The following CBFA2T3 variants were observed in gnomAD, a reference collection of about 807,000 sequenced individuals.
The protein encoded by CBFA2T3 is transcriptional corepressor CBFA2T3.
In CBFA2T3, 31 loss-of-function variants were observed where a neutral mutation model predicts 58.6. That is an observed-to-expected ratio of 0.53 (90% CI 0.40 to 0.71). The LOEUF (loss-of-function observed/expected upper bound fraction) is 0.71, where lower values mean the gene tolerates loss of function less well. Ranked by LOEUF, CBFA2T3 falls within the 30% of genes least tolerant of loss-of-function variation. The pLI is 0.00. For missense variants in CBFA2T3, 1,076 were observed against 963.1 expected, an observed-to-expected ratio of 1.12 and a Z score of -1.55; for synonymous variants, 531 against 421.9, an observed-to-expected ratio of 1.26 and a Z score of -3.17.
chr16:88,940,107 C>A lies in CBFA2T3; in HGVS notation c.151+36550G>T, dbSNP rs1031022537. 1.9e-5 allele frequency: 3 copies of A among 153,872 alleles called. No homozygotes were observed. In the East Asian group the frequency reaches 5.8e-4, roughly 30 times the overall value. The allele number at this position is 153,872 out of a possible 1,614,324, so 9.5% of individuals were successfully genotyped here. On this transcript the variant is annotated intron_variant, in intron 1 of 11. Transcript: ENST00000268679. The stretch of plus-strand genomic sequence containing the variant: ...CGACAAGCCCCCACCCACAGGAGCA[C>A]GCGACGTGCTCTCTTTTCAAGGGAA...
chr16:88,914,816 C>T (rs1970639110), intron 1 of CBFA2T3, among the ~76,000 whole-genome samples: 3 of 152,202 alleles, frequency 2.0e-5, no homozygotes, highest in Non-Finnish European at 4.4e-5. Flanking sequence ...CCCCAAAGGG[C>T]CGCAAATGGG....
chr16:88,950,538 G>C (rs58251630), intron 1 of CBFA2T3: 12 of 396,158 alleles, frequency 3.0e-5, no homozygotes, highest in African/African-American at 1.3e-4. Flanking sequence ...CAGTTCACCC[G>C]TCCCCTGGAC....
chr16:88,892,102 G>A, intron 4 of CBFA2T3, 131 bp from the exon 5 acceptor site: 1 of 1,356,132 alleles, frequency 7.4e-7, no homozygotes, highest in Non-Finnish European at 1.0e-6. Flanking sequence ...CACGGCCTGA[G>A]AGGGTGCAGG....
At chr16:88,911,339 CTG>C (rs1388734351) in intron 1 of CBFA2T3, among the ~76,000 whole-genome samples, 1 of 152,270 alleles carries the variant, frequency 6.6e-6, no homozygotes, top group Non-Finnish European at 1.5e-5. Flanking sequence ...TGTGAACTGA[CTG>C]TGAACTCGGG....
rs531202720 is a variant in CBFA2T3 at position 88,885,677 on chromosome 16, C to G, written c.893+284G>C. 2.1e-6 allele frequency: 1 copy of G among 480,822 alleles called. No homozygotes were observed. The highest frequency in any genetic ancestry group is 2.0e-5 in the African/African-American group (1 of 50,070). The allele number at this position is 480,822 out of a possible 1,614,324, so 29.8% of individuals were successfully genotyped here. On this transcript the variant is annotated intron_variant, in intron 6 of 11. Coordinates refer to ENST00000268679, the MANE Select transcript of CBFA2T3 (RefSeq NM_005187.6). This position sits in a 1 kb window ranked among gnomAD's most constrained non-coding sequence, Gnocchi z 5.3. ...CTGGGGACCATGGACCCCGGACGCT[C>G]GGAGTCCATGCCCGGCACACAGGGG...
intron 5 of CBFA2T3, among the ~76,000 whole-genome samples, chr16:88,890,467 G>A (rs1969585660): frequency 6.6e-6 from 1 of 152,192 alleles, no homozygotes; most frequent in African/African-American, 2.4e-5. Flanking sequence ...CCGAAGGTGT[G>A]GCCAGGCTGG....
chr16:88,965,815 A>G (rs1972486883), intron 1 of CBFA2T3, among the ~76,000 whole-genome samples: 1 of 152,186 alleles, frequency 6.6e-6, no homozygotes, highest in South Asian at 2.1e-4. Flanking sequence ...TTCATCTTAT[A>G]GGGGAACTTG....
At chr16:88,910,936 G>C (rs1455958539) in intron 1 of CBFA2T3, among the ~76,000 whole-genome samples, 1 of 151,300 alleles carries the variant, frequency 6.6e-6, no homozygotes, top group East Asian at 1.9e-4. Context: ...TCTGGGGTGG[G>C]CAGAGGCGGC....
intron 1 of CBFA2T3, among the ~76,000 whole-genome samples, chr16:88,903,825 A>G (rs1278183897): frequency 6.6e-6 from 1 of 152,204 alleles, no homozygotes; most frequent in Non-Finnish European, 1.5e-5. Flanking sequence ...CTCGGGGGAC[A>G]CAGGTCCAGG....
At chr16:88,921,208 T>C (rs1315886259) in intron 1 of CBFA2T3, among the ~76,000 whole-genome samples, 3 of 152,254 alleles carry the variant, frequency 2.0e-5, no homozygotes, top group African/African-American at 4.8e-5. Context: ...GCCTCTGCCA[T>C]TGTTGATGTA....
At chr16:88,952,266 C>A (rs1418790724) in intron 1 of CBFA2T3, among the ~76,000 whole-genome samples, 3 of 152,244 alleles carry the variant, frequency 2.0e-5, no homozygotes, top group Non-Finnish European at 4.4e-5. Context: ...GGAGCCAGGA[C>A]ACCCGGGGAG....
chr16:88,952,419 A>T (rs12923300), intron 1 of CBFA2T3, among the ~76,000 whole-genome samples: 2 of 149,180 alleles, frequency 1.3e-5, no homozygotes, highest in African/African-American at 2.5e-5. Context: ...GCGGGGCACC[A>T]AAATGGCTTT....
At chr16:88,943,737 A>ACC (rs1971824901) in intron 1 of CBFA2T3, among the ~76,000 whole-genome samples, 1 of 152,154 alleles carries the variant, frequency 6.6e-6, no homozygotes, top group South Asian at 2.1e-4. Context: ...TCTCAGCCAC[A>ACC]CCGACTTCCT....
chr16:88,942,002 C>T (rs999221795), intron 1 of CBFA2T3, among the ~76,000 whole-genome samples: 2 of 151,682 alleles, frequency 1.3e-5, no homozygotes, highest in East Asian at 3.9e-4. Flanking sequence ...GGGTCGCGCT[C>T]CCCCCGCTCA....
chr16:88,887,009 C>G (rs571219919), intron 5 of CBFA2T3: 1 of 152,414 alleles, frequency 6.6e-6, no homozygotes, highest in East Asian at 1.9e-4. Context: ...AAAGTCTTCC[C>G]AGAGCTGCCG....
intron 1 of CBFA2T3, among the ~76,000 whole-genome samples, chr16:88,903,538 G>A (rs985610924): frequency 3.9e-5 from 6 of 152,180 alleles, no homozygotes; most frequent in Admixed American, 1.3e-4. Flanking sequence ...CTGGGCACAC[G>A]TGTGGCCACA....
At chr16:88,926,486 T>C (rs902884417) in intron 1 of CBFA2T3, among the ~76,000 whole-genome samples, 2 of 152,196 alleles carry the variant, frequency 1.3e-5, no homozygotes, top group African/African-American at 4.8e-5. Context: ...CCTCTCTTTC[T>C]ATCTCTCCTG....
At chr16:88,968,636 C>T (rs1034754757) in intron 1 of CBFA2T3, among the ~76,000 whole-genome samples, 1 of 152,348 alleles carries the variant, frequency 6.6e-6, no homozygotes, top group East Asian at 1.9e-4. Context: ...GCAGCTGAGA[C>T]GGCTGTCCGT....
Position 88,877,005 on chromosome 16 carries a change from G to C in CBFA2T3, c.1933C>G (p.Pro645Ala). 1.4e-6 allele frequency: 2 copies of C among 1,469,486 alleles called. No individual in the cohort carries two copies. The highest frequency in any genetic ancestry group is 1.8e-6 in the Non-Finnish European group (2 of 1,115,698). 91.0% of individuals were successfully genotyped at this position (1,469,486 alleles called of 1,614,324 possible). A position where few individuals can be genotyped will look rare whatever the true frequency, so the allele number is the denominator to read the frequency against. Reference protein sequence around the residue: ...GPSRPGSPSPPGPLDTVPR With the variant: ...GPSRPGSPSPAGPLDTVPR ...CGGGGCACGGTGTCCAGTGGGCCAG[G>C]TGGGCTGGGGGAGCCGGGGCGAGAA... The change falls in exon 12 of 12, where the codon CCT (proline) becomes GCT (alanine). Residue 645 changes from proline (P) to alanine (A), a missense_variant. By Grantham distance (27) the Pro-to-Ala change is conservative (BLOSUM62 -1). Transcript: ENST00000268679.
Sources: gnomAD v4.1 joint callset for allele counts (sites outside exome capture counted in the v4.1 genomes callset) on GRCh38, gnomAD v4.1.1 for gene constraint, Gnocchi (gnomAD v3.1) non-coding constraint, MANE v1.5 for transcripts, NCBI Gene and HGNC (gene_info 2026-07-23, HGNC 2026-07-21) for gene names.